The following XCR1 variants were observed in gnomAD, a reference collection of about 807,000 sequenced individuals.
XCR1 encodes X-C motif chemokine receptor 1.
For synonymous variants in XCR1, 187 were observed against 188.5 expected, an observed-to-expected ratio of 0.99 and a Z score of 0.06; for missense variants, 356 against 424.2, an observed-to-expected ratio of 0.84 and a Z score of 1.41.
intron 5 of XCR1, among the ~76,000 whole-genome samples, chr3:46,044,225 G>A (rs2125898240): frequency 6.6e-6 from 1 of 152,286 alleles, no homozygotes; most frequent in East Asian, 1.9e-4. Context: ...GACCTCAGGT[G>A]ATCTGCTCTC....
chr3:46,026,982 G>A (rs1283796139), intron 1 of XCR1, among the ~76,000 whole-genome samples: 1 of 151,690 alleles, frequency 6.6e-6, no homozygotes, highest in Non-Finnish European at 1.5e-5. Flanking sequence ...CTGAGCTCAA[G>A]TGATCCCCTC....
intron 3 of XCR1, among the ~76,000 whole-genome samples, chr3:46,074,214 CTTTTTTTTTTT>C (rs35124592): frequency 8.1e-5 from 7 of 86,634 alleles, no homozygotes; most frequent in Admixed American, 1.3e-4. Flanking sequence ...TGAAGGCCAT[CTTTTTTTTTTT>C]TTTTTTTTTT....
chr3:46,055,796 A>G (rs1327423061), intron 4 of XCR1, among the ~76,000 whole-genome samples: 1 of 152,244 alleles, frequency 6.6e-6, no homozygotes, highest in African/African-American at 2.4e-5. Context: ...ATGTGGAAAC[A>G]TGGAGTTAAG....
Position 46,017,902 on chromosome 3 carries a change from A to T in XCR1, c.*3044T>A, listed in dbSNP as rs1708073879. 1 of 152,590 alleles carries T rather than the reference A, an allele frequency of 6.6e-6. No homozygotes were observed. Among genetic ancestry groups the T allele is most frequent in the Non-Finnish European group, 1.5e-5 (1 of 68,332 alleles). 9.5% of individuals were successfully genotyped at this position (152,590 alleles called of 1,614,324 possible). On this transcript the variant is annotated 3_prime_UTR_variant, in exon 2 of 2. Transcript: ENST00000309285. Reference sequence around the variant, plus strand: ...TGGGTGGAGGGAGGGGAAGCCCAGGAGGTGGTGGCCAGTGGAGGTTGTGGT... The same window carrying T: ...TGGGTGGAGGGAGGGGAAGCCCAGGTGGTGGTGGCCAGTGGAGGTTGTGGT...
intron 2 of XCR1, among the ~76,000 whole-genome samples, chr3:46,075,711 A>G (rs1425693190): frequency 1.3e-5 from 2 of 152,150 alleles, no homozygotes; most frequent in Non-Finnish European, 2.9e-5. Context: ...ACAAAAAACA[A>G]CCAATTCAGT....
At chr3:46,044,372 T>C (rs902946375) in intron 5 of XCR1, among the ~76,000 whole-genome samples, 2 of 152,208 alleles carry the variant, frequency 1.3e-5, no homozygotes, top group African/African-American at 2.4e-5. Context: ...TTGTATAATA[T>C]ATATTTGGAG....
chr3:46,083,981 A>G (rs185885402), intron 1 of XCR1, among the ~76,000 whole-genome samples: 4 of 152,322 alleles, frequency 2.6e-5, no homozygotes, highest in African/African-American at 9.6e-5. Flanking sequence ...TGTGCATTAT[A>G]TATTTCTATT....
chr3:46,030,119 A>G (rs1319420822), upstream of XCR1, among the ~76,000 whole-genome samples: 3 of 151,794 alleles, frequency 2.0e-5, no homozygotes, highest in Non-Finnish European at 2.9e-5. Flanking sequence ...CTGCATATAG[A>G]AATAGTTTCA....
intron 3 of XCR1, among the ~76,000 whole-genome samples, chr3:46,069,729 T>G (rs924876469): frequency 6.6e-6 from 1 of 152,180 alleles, no homozygotes; most frequent in African/African-American, 2.4e-5. Flanking sequence ...TTTATTAATT[T>G]TATTTTTTCA....
intron 2 of XCR1, among the ~76,000 whole-genome samples, chr3:46,074,806 A>C (rs1698230631): frequency 6.6e-6 from 1 of 152,144 alleles, no homozygotes; most frequent in African/African-American, 2.4e-5. Flanking sequence ...GGACCTTCCC[A>C]GTTTAAACCC....
intron 5 of XCR1, among the ~76,000 whole-genome samples, chr3:46,053,131 C>CAT (rs1559488729): frequency 1.3e-5 from 2 of 152,102 alleles, no homozygotes; most frequent in East Asian, 1.9e-4. Context: ...AGCAAGTTTG[C>CAT]GCCAAGTGTT....
intron 1 of XCR1, among the ~76,000 whole-genome samples, chr3:46,079,155 G>C (rs1398228406): frequency 6.6e-6 from 1 of 152,118 alleles, no homozygotes. Context: ...GAAAATCTGA[G>C]CGCTCTTTTA....
At chr3:46,073,293 C>G (rs1698193141) in intron 3 of XCR1, among the ~76,000 whole-genome samples, 1 of 152,090 alleles carries the variant, frequency 6.6e-6, no homozygotes, top group South Asian at 2.1e-4. Flanking sequence ...TTCTGCACAC[C>G]AAAAGAAATA....
At chr3:46,066,793 C>T (rs9824651) in intron 4 of XCR1, among the ~76,000 whole-genome samples, 33,015 of 152,160 alleles carry the variant, frequency 0.22, 5,448 homozygotes, top group African/African-American at 0.46. Context: ...AGTGCCTATG[C>T]AATTTTGGCA....
rs1708059504 is a variant in XCR1 at position 46,017,256 on chromosome 3, C to G, written c.*3690G>C. 1 of 152,184 alleles carries G rather than the reference C, an allele frequency of 6.6e-6. No homozygotes were observed. The allele number at this position is 152,184 out of a possible 1,614,324, so 9.4% of individuals were successfully genotyped here. ...GGATTTGGAGTTTAGGTCCAGGGCT[C>G]AAATGTCATTCGACTCCACAGACAG... is the stretch of plus-strand genomic sequence containing the variant. On this transcript the variant is annotated 3_prime_UTR_variant, in exon 2 of 2. Coordinates refer to ENST00000309285, the MANE Select transcript of XCR1 (RefSeq NM_001024644.2).
chr3:46,069,237 A>G (rs1425853537), intron 3 of XCR1, among the ~76,000 whole-genome samples: 1 of 152,140 alleles, frequency 6.6e-6, no homozygotes, highest in Non-Finnish European at 1.5e-5. Context: ...GTAAGTAGAA[A>G]AAAAGGAAAA....
rs549311528 is a variant in XCR1 at position 46,056,194 on chromosome 3, A to C, written c.-182-2124T>G. Among the ~76,000 whole-genome samples the C allele has an allele frequency of 3.3e-5, 5 of 152,224 alleles. No homozygotes were observed. The South Asian group carries it at 8.3e-4, about 25-fold the overall frequency. ...TATATAGGGGTCAGACTAGCATTTCAAGAGTTCGTTTTTTTTCTTTTTATT... is the reference window on the plus strand; with the variant it reads ...TATATAGGGGTCAGACTAGCATTTCCAGAGTTCGTTTTTTTTCTTTTTATT... On this transcript the variant is annotated intron_variant, in intron 4 of 5. Transcript: ENST00000683768.
At chr3:46,022,101 AC>A in intron 1 of XCR1, 123 bp from the exon 2 acceptor site, 1 of 863,262 alleles carries the variant, frequency 1.2e-6, no homozygotes, top group Non-Finnish European at 1.8e-6. Flanking sequence ...GGAGTTTGAG[AC>A]CATCCCAGGC....
At position 46,053,426 on chromosome 3, in the gene XCR1, G is replaced by T. The variant is rs558315221; in HGVS notation, c.-32+494C>A. ...TGCCACCGAAGGAGGCGGTACAGAT[G>T]TTTCTGCAACTGGAGGGGGCGGTAT... is the stretch of plus-strand genomic sequence containing the variant. On this transcript the variant is annotated intron_variant, in intron 5 of 5. Transcript: ENST00000683768. Among the ~76,000 whole-genome samples, 231 of 151,796 alleles carry T rather than the reference G, an allele frequency of 1.5e-3. 2 individuals are homozygous for T. Among genetic ancestry groups the T allele is most frequent in the African/African-American group, 5.5e-3 (225 of 41,148 alleles).
Sources: allele counts gnomAD v4.1 joint callset (sites outside exome capture counted in the v4.1 genomes callset), GRCh38; gene constraint gnomAD v4.1.1; transcripts MANE v1.5; gene names NCBI Gene and HGNC (gene_info 2026-07-23, HGNC 2026-07-21).